The following HTR2C variants were observed in gnomAD, a reference collection of about 807,000 sequenced individuals.
HTR2C encodes 5-hydroxytryptamine receptor 2C.
A neutral mutation model predicts 21.0 loss-of-function variants in HTR2C; 5 were observed. That is an observed-to-expected ratio of 0.24 (90% confidence interval 0.12 to 0.50). HTR2C has a LOEUF of 0.50. Ranked by LOEUF, HTR2C falls within the 20% of genes least tolerant of loss-of-function variation. The pLI is 0.98. For synonymous variants in HTR2C, 150 were observed against 145.3 expected (o/e 1.03, Z -0.23); for missense variants, 271 against 371.2 (o/e 0.73, Z 2.22).
intron 5 of HTR2C, among the ~76,000 whole-genome samples, chrX:114,854,149 T>C (rs1411834049): frequency 1.8e-5 from 2 of 111,563 alleles, no homozygotes; most frequent in Non-Finnish European, 3.8e-5. Flanking sequence ...AATTTATGAA[T>C]TTTCAAACTT....
chrX:114,658,157 CTTG>C (rs1556409588), intron 2 of HTR2C, among the ~76,000 whole-genome samples: 2 of 111,199 alleles, frequency 1.8e-5, no homozygotes, highest in African/African-American at 6.5e-5. Flanking sequence ...TACATTTGCT[CTTG>C]TTAATAAATA....
chrX:114,830,195 T>C (rs1001575333), intron 4 of HTR2C, among the ~76,000 whole-genome samples: 2 of 111,236 alleles, frequency 1.8e-5, no homozygotes, highest in Non-Finnish European at 3.8e-5. Flanking sequence ...TAATGATCGA[T>C]GCTTGCCTCC....
At chrX:114,841,263 C>T (rs1189631743) in intron 4 of HTR2C, among the ~76,000 whole-genome samples, 3 of 112,039 alleles carry the variant, frequency 2.7e-5, no homozygotes, top group Non-Finnish European at 3.8e-5. Flanking sequence ...TATGACACAT[C>T]GTAAAACAAT....
At chrX:114,784,284 A>T (rs998705978) in intron 4 of HTR2C, among the ~76,000 whole-genome samples, 2 of 111,636 alleles carry the variant, frequency 1.8e-5, no homozygotes, top group African/African-American at 3.3e-5. Context: ...TAACAAAAGG[A>T]TATTATAAAT....
chrX:114,845,513 T>C (rs1053517873), intron 4 of HTR2C, among the ~76,000 whole-genome samples: 1 of 110,365 alleles, frequency 9.1e-6, no homozygotes, highest in African/African-American at 3.3e-5. Flanking sequence ...AATGATGAAG[T>C]TTAGTGGAAA....
In HTR2C at chrX:114,906,919, G is replaced by A. The variant is rs781830737; in HGVS notation, c.881G>A (p.Arg294Lys). The A allele has an allele frequency of 4.1e-6, 5 of 1,210,733 alleles. No homozygotes were observed. Among genetic ancestry groups the A allele is most frequent in the Non-Finnish European group, 3.4e-6 (3 of 894,884 alleles). Residue 294 changes from arginine to lysine, a missense_variant, in exon 6 of 6, where the codon AGA (arginine) becomes AAA (lysine). Physicochemically the swap from Arg to Lys is conservative, Grantham distance 26. This residue lies in a region of HTR2C where 192 missense variants were observed against 247.2 expected (regional missense o/e 0.78). Coordinates refer to ENST00000276198, the MANE Select transcript of HTR2C (RefSeq NM_000868.4). ...QNARRRKKKE[R>K]RPRGTMQAIN... ...GCACGCCGAAGAAAGAAGAAGGAGA[G>A]ACGTCCTAGGGGCACCATGCAGGCT...
At chrX:114,838,738 G>A (rs781953140) in intron 4 of HTR2C, among the ~76,000 whole-genome samples, 44 of 112,102 alleles carry the variant, frequency 3.9e-4, no homozygotes, top group African/African-American at 1.2e-3. Context: ...TAGCCTCTTG[G>A]CTATTCAACT....
intron 4 of HTR2C, among the ~76,000 whole-genome samples, chrX:114,804,580 A>C (rs1411409825): frequency 1.8e-5 from 2 of 111,933 alleles, no homozygotes; most frequent in Non-Finnish European, 3.8e-5. Flanking sequence ...GAAGGATTAA[A>C]CAACATTATT....
intron 4 of HTR2C, among the ~76,000 whole-genome samples, chrX:114,807,816 G>T (rs182288851): frequency 0.043 from 4,725 of 109,362 alleles, 94 homozygotes; most frequent in Non-Finnish European, 0.066. Context: ...GGGACTACAG[G>T]CGCATACCAC....
At chrX:114,833,888 C>G (rs1445121308) in intron 4 of HTR2C, among the ~76,000 whole-genome samples, 1 of 108,419 alleles carries the variant, frequency 9.2e-6, no homozygotes, top group African/African-American at 3.3e-5. Flanking sequence ...CCCAGAGATT[C>G]TGGTATGTTG....
At chrX:114,614,346 C>A (rs369482018) in intron 2 of HTR2C, among the ~76,000 whole-genome samples, 1 of 109,754 alleles carries the variant, frequency 9.1e-6, no homozygotes. Flanking sequence ...CTGCAACCTC[C>A]GCCTCCTGGG....
intron 4 of HTR2C, chrX:114,775,855 C>T: frequency 2.6e-6 from 1 of 384,628 alleles, no homozygotes; most frequent in Non-Finnish European, 4.7e-6. Flanking sequence ...TGCCATGGAA[C>T]AGGTCAGCAT....
At chrX:114,865,007 A>G (rs932599436) in intron 5 of HTR2C, among the ~76,000 whole-genome samples, 24 of 106,951 alleles carry the variant, frequency 2.2e-4, no homozygotes, top group Middle Eastern at 4.4e-3. Flanking sequence ...GGATTCCCTT[A>G]TATGGACTCA....
At chrX:114,737,850 C>G (rs2069606629) in intron 4 of HTR2C, among the ~76,000 whole-genome samples, 1 of 111,667 alleles carries the variant, frequency 9.0e-6, no homozygotes, top group Non-Finnish European at 1.9e-5. Context: ...TTTCACTGGG[C>G]TCTTCTAGTT....
intron 1 of HTR2C, among the ~76,000 whole-genome samples, chrX:114,605,486 TGGGCACA>T (rs1928372983): frequency 9.0e-6 from 1 of 110,933 alleles, no homozygotes; most frequent in African/African-American, 3.3e-5. Flanking sequence ...CGAGTTGCAC[TGGGCACA>T]GAGACTAGGA....
At chrX:114,660,859 T>C (rs1324420648) in intron 2 of HTR2C, among the ~76,000 whole-genome samples, 1 of 112,229 alleles carries the variant, frequency 8.9e-6, no homozygotes, top group Non-Finnish European at 1.9e-5. Flanking sequence ...GTTTGTGGCC[T>C]CTAAACCGGT....
chrX:114,764,776 G>A (rs60053832), intron 4 of HTR2C, among the ~76,000 whole-genome samples: 1 of 111,657 alleles, frequency 9.0e-6, no homozygotes, highest in Non-Finnish European at 1.9e-5. Context: ...AGAAAGATTA[G>A]AATTCCCTCT....
intron 5 of HTR2C, among the ~76,000 whole-genome samples, chrX:114,861,513 A>G (rs1413033991): frequency 2.7e-5 from 3 of 111,450 alleles, no homozygotes; most frequent in Non-Finnish European, 5.7e-5. Flanking sequence ...TTACAATGTG[A>G]CGATCTCATT....
Position 114,909,563 on chromosome X carries a change from A to AAAAT in HTR2C, c.*2150_*2153dup, listed in dbSNP as rs1491424359. The AAAAT allele has an allele frequency of 8.9e-6, 1 of 112,617 alleles. No individual in the cohort carries two copies. The highest frequency in any genetic ancestry group is 3.2e-5 in the African/African-American group (1 of 30,905). The allele number at this position is 112,617 out of a possible 1,213,427, so 9.3% of individuals were successfully genotyped here. On this transcript the variant is annotated 3_prime_UTR_variant, in exon 6 of 6. Coordinates refer to ENST00000276198, the MANE Select transcript of HTR2C (RefSeq NM_000868.4). ...CATAGCACATGTTTTACAAAGAAAC[A>AAAAT]AAATATAAATCACAGATTTCCAAAA...
Sources: allele counts gnomAD v4.1 joint callset (sites outside exome capture counted in the v4.1 genomes callset), GRCh38; gene constraint gnomAD v4.1.1; regional missense constraint gnomAD v4.1.1; transcripts MANE v1.5; gene names NCBI Gene and HGNC (gene_info 2026-07-23, HGNC 2026-07-21).